The following KIF16B variants were observed in gnomAD, a reference collection of about 807,000 sequenced individuals.
KIF16B encodes kinesin-like protein KIF16B.
A neutral mutation model predicts 156.3 loss-of-function variants in KIF16B; 98 were observed. The ratio of observed to expected loss-of-function variants is 0.63; its 90% CI spans 0.53 to 0.74. The LOEUF (loss-of-function observed/expected upper bound fraction) is 0.74, where lower values mean the gene tolerates loss of function less well. KIF16B is among the 30% of genes least tolerant of loss of function. The pLI is 0.00. For missense variants in KIF16B, 1,421 were observed against 1,606.5 expected, an observed-to-expected ratio of 0.88 and a Z score of 1.97; for synonymous variants, 564 against 583.7, an observed-to-expected ratio of 0.97 and a Z score of 0.49.
chr20:16,275,391 T>G (rs977812951), intron 25 of KIF16B, among the ~76,000 whole-genome samples: 1 of 152,180 alleles, frequency 6.6e-6, no homozygotes, highest in African/African-American at 2.4e-5. Context: ...TATAACTTCA[T>G]GAGTGCTGAC....
At chr20:16,423,322 A>T (rs1257317449) in intron 15 of KIF16B, among the ~76,000 whole-genome samples, 1 of 152,218 alleles carries the variant, frequency 6.6e-6, no homozygotes, top group African/African-American at 2.4e-5. Context: ...AAGAAAACAC[A>T]AAGAACAACA....
At chr20:16,557,578 A>G (rs935836788) in intron 1 of KIF16B, among the ~76,000 whole-genome samples, 1 of 152,208 alleles carries the variant, frequency 6.6e-6, no homozygotes, top group Non-Finnish European at 1.5e-5. Context: ...CATGTTTCAG[A>G]AGAAGAATCT....
At chr20:16,545,997 T>C (rs2070392466) in intron 1 of KIF16B, among the ~76,000 whole-genome samples, 1 of 152,166 alleles carries the variant, frequency 6.6e-6, no homozygotes, top group Non-Finnish European at 1.5e-5. Context: ...AGGGAAGGGA[T>C]ACTGGTATAA....
chr20:16,372,800 T>C (rs142268717), intron 20 of KIF16B, among the ~76,000 whole-genome samples: 1,666 of 152,246 alleles, frequency 0.011, 26 homozygotes, highest in African/African-American at 0.036. Context: ...TGGGTTCAAG[T>C]GAGTCTCCTG....
chr20:16,564,396 C>A (rs117419890), intron 1 of KIF16B, among the ~76,000 whole-genome samples: 6,033 of 152,170 alleles, frequency 0.04, 175 homozygotes, highest in South Asian at 0.079. Context: ...AATAAACATA[C>A]GTGTGCATCG....
chr20:16,444,263 T>C (rs1463537693), intron 12 of KIF16B, among the ~76,000 whole-genome samples: 1 of 152,186 alleles, frequency 6.6e-6, no homozygotes, highest in African/African-American at 2.4e-5. Context: ...GTTCCACCCC[T>C]AGGCCCTATG....
At chr20:16,567,017 A>G (rs1052203386) in intron 1 of KIF16B, among the ~76,000 whole-genome samples, 7 of 152,218 alleles carry the variant, frequency 4.6e-5, no homozygotes, top group South Asian at 2.1e-4. Context: ...GTCTAAAATC[A>G]TTAGTGAAAT....
chr20:16,508,241 G>A (rs559458382), intron 6 of KIF16B, 141 bp from the exon 7 acceptor site: 4 of 942,692 alleles, frequency 4.2e-6, no homozygotes, highest in African/African-American at 3.3e-5. Context: ...TAGGGTGGTG[G>A]TATGTAATGC....
chr20:16,331,046 C>T (rs2122898038), intron 24 of KIF16B, among the ~76,000 whole-genome samples: 1 of 152,302 alleles, frequency 6.6e-6, no homozygotes, highest in African/African-American at 2.4e-5. Flanking sequence ...AGCAGTGATT[C>T]TTGTCCTGTG....
At chr20:16,470,349 ATGTGTCAG>A in intron 12 of KIF16B, among the ~76,000 whole-genome samples, 1 of 152,294 alleles carries the variant, frequency 6.6e-6, no homozygotes, top group African/African-American at 2.4e-5. Flanking sequence ...AGTGACAATG[ATGTGTCAG>A]TGTGGGTTCA....
intron 1 of KIF16B, among the ~76,000 whole-genome samples, chr20:16,556,167 T>C (rs2070840571): frequency 2.0e-5 from 3 of 152,202 alleles, no homozygotes; most frequent in Admixed American, 6.5e-5. Context: ...ATCTCAGCAC[T>C]AGAAGAAACT....
chr20:16,562,791 G>A (rs1003241495), intron 1 of KIF16B, among the ~76,000 whole-genome samples: 2 of 152,184 alleles, frequency 1.3e-5, no homozygotes, highest in East Asian at 3.8e-4. Context: ...CCAGAGTGAG[G>A]TAATAAAGCC....
At chr20:16,319,102 A>G (rs1293533171) in intron 24 of KIF16B, among the ~76,000 whole-genome samples, 1 of 152,240 alleles carries the variant, frequency 6.6e-6, no homozygotes. Context: ...GGCAAGTATA[A>G]GAAACTGTCA....
intron 22 of KIF16B, among the ~76,000 whole-genome samples, chr20:16,358,605 G>A (rs2064491281): frequency 6.6e-6 from 1 of 152,206 alleles, no homozygotes; most frequent in Non-Finnish European, 1.5e-5. Flanking sequence ...CCAACTACAT[G>A]GGAGGGACCC....
rs777018971 is a variant in KIF16B, at chr20:16,528,431, G to T, written c.57C>A (p.Asp19Glu). 11 of 1,611,336 alleles carry T rather than the reference G, an allele frequency of 6.8e-6. No individual in the cohort carries two copies. The highest frequency in any genetic ancestry group is 9.3e-6 in the Non-Finnish European group (11 of 1,177,594). Residue 19 changes from aspartate (D) to glutamate (E), a missense_variant, in exon 2 of 26, where the codon GAC becomes GAA. Coordinates refer to ENST00000354981, the MANE Select transcript of KIF16B (RefSeq NM_024704.5). Reference sequence around the variant, plus strand: ...TCTGAATAATGAACTTGGCCTCCAAGTCCTTTTCCCTGCAATACAAATAAT... The same window carrying T: ...TCTGAATAATGAACTTGGCCTCCAATTCCTTTTCCCTGCAATACAAATAAT... ...RVRPMNRREK[D>E]LEAKFIIQME...
At chr20:16,319,850 T>A (rs978905374) in intron 24 of KIF16B, among the ~76,000 whole-genome samples, 2 of 152,176 alleles carry the variant, frequency 1.3e-5, no homozygotes, top group African/African-American at 4.8e-5. Context: ...TAACCATTTT[T>A]AAATATTCCC....
chr20:16,483,070 CA>C (rs1399991157), intron 12 of KIF16B, among the ~76,000 whole-genome samples: 4 of 152,138 alleles, frequency 2.6e-5, no homozygotes, highest in Non-Finnish European at 5.9e-5. Context: ...ATGGAGAGCT[CA>C]AAAAGTTGTT....
chr20:16,464,732 T>C (rs1329692401), intron 12 of KIF16B, among the ~76,000 whole-genome samples: 2 of 152,160 alleles, frequency 1.3e-5, no homozygotes, highest in African/African-American at 4.8e-5. Flanking sequence ...TTTTCTGGGG[T>C]ACCCAAGCGC....
At chr20:16,546,381 T>C (rs1717850077) in intron 1 of KIF16B, among the ~76,000 whole-genome samples, 1 of 152,220 alleles carries the variant, frequency 6.6e-6, no homozygotes, top group African/African-American at 2.4e-5. Context: ...TTCATCTTCA[T>C]CATGAAATCA....
Sources: gnomAD v4.1 joint callset for allele counts (sites outside exome capture counted in the v4.1 genomes callset) on GRCh38, gnomAD v4.1.1 for gene constraint, MANE v1.5 for transcripts, NCBI Gene and HGNC (gene_info 2026-07-23, HGNC 2026-07-21) for gene names.